Variants in DYRK1A observed in about 807,000 individuals in gnomAD.
DYRK1A encodes dual specificity tyrosine-phosphorylation-regulated kinase 1A.
DYRK1A carries 9 observed loss-of-function variants against 79.7 expected under a neutral mutation model. That is an observed-to-expected ratio of 0.11 (90% CI 0.07 to 0.20). DYRK1A has a LOEUF of 0.20. DYRK1A is among the 10% of genes least tolerant of loss of function. The pLI is 1.00. For missense variants in DYRK1A, 622 were observed against 956.0 expected (o/e 0.65, Z 4.61); for synonymous variants, 349 against 329.7 (o/e 1.06, Z -0.63).
intron 1 of DYRK1A, among the ~76,000 whole-genome samples, chr21:37,371,379 G>T (rs1316624485): frequency 6.6e-6 from 1 of 152,184 alleles, no homozygotes; most frequent in Non-Finnish European, 1.5e-5. Context: ...ATATTGCACT[G>T]CGTAAGCCAG....
In DYRK1A at chr21:37,517,896, T is replaced by TA. The variant is rs1330881234; in HGVS notation, c.*5366dup. Reference sequence around the variant, plus strand: ...GAAACGGCTAAGTTTTTTTTAATGTTACTTCTTTAATTTTAGAGACGGTGT... The same window carrying TA: ...GAAACGGCTAAGTTTTTTTTAATGTTAACTTCTTTAATTTTAGAGACGGTGT... On this transcript the variant is annotated 3_prime_UTR_variant, in exon 12 of 12. Coordinates refer to ENST00000647188, the MANE Select transcript of DYRK1A (RefSeq NM_001347721.2). 10 of 152,304 alleles carry TA rather than the reference T, an allele frequency of 6.6e-5. No individual in the cohort carries two copies. Among genetic ancestry groups the TA allele is most frequent in the Admixed American group, 3.9e-4 (6 of 15,294 alleles). 9.4% of individuals were successfully genotyped at this position (152,304 alleles called of 1,614,324 possible). A position where few individuals can be genotyped will look rare whatever the true frequency, so the allele number is the denominator to read the frequency against.
intron 1 of DYRK1A, among the ~76,000 whole-genome samples, chr21:37,376,352 T>G (rs1291834510): frequency 6.6e-6 from 1 of 152,096 alleles, no homozygotes; most frequent in African/African-American, 2.4e-5. Flanking sequence ...CTACTACAGA[T>G]ACAGAAATTA....
intron 1 of DYRK1A, among the ~76,000 whole-genome samples, chr21:37,395,862 T>G (rs896258473): frequency 6.6e-6 from 1 of 152,228 alleles, no homozygotes; most frequent in South Asian, 2.1e-4. Flanking sequence ...TAGGATAGAC[T>G]CTGTTCTGGG....
At chr21:37,415,040 AT>A in intron 1 of DYRK1A, among the ~76,000 whole-genome samples, 1 of 152,220 alleles carries the variant, frequency 6.6e-6, no homozygotes, top group Admixed American at 6.5e-5. Flanking sequence ...GTGTCAGTGC[AT>A]TATGTATTGT....
chr21:37,438,977 C>A (rs1408861128), intron 2 of DYRK1A, among the ~76,000 whole-genome samples: 1 of 152,224 alleles, frequency 6.6e-6, no homozygotes, highest in East Asian at 1.9e-4. Context: ...CCCTTTCTCT[C>A]ATTTTTCTAA....
chr21:37,479,849 G>C (rs575112077), intron 4 of DYRK1A, among the ~76,000 whole-genome samples: 1 of 151,594 alleles, frequency 6.6e-6, no homozygotes. Flanking sequence ...GGATGGTCTC[G>C]ATCTCCTGAC....
chr21:37,426,330 A>G (rs2050617474), intron 2 of DYRK1A, among the ~76,000 whole-genome samples: 2 of 152,216 alleles, frequency 1.3e-5, no homozygotes, highest in African/African-American at 2.4e-5. Context: ...CAAAATCCCC[A>G]CAGAGTTTTT....
At chr21:37,402,734 T>G (rs545713137) in intron 1 of DYRK1A, among the ~76,000 whole-genome samples, 21 of 152,156 alleles carry the variant, frequency 1.4e-4, no homozygotes, top group African/African-American at 4.8e-4. Context: ...TCTCTCTTCT[T>G]TAGACAATTT....
At chr21:37,376,674 A>T (rs1054368697) in intron 1 of DYRK1A, among the ~76,000 whole-genome samples, 8 of 152,092 alleles carry the variant, frequency 5.3e-5, no homozygotes, top group African/African-American at 1.9e-4. Context: ...CCTGCGCTTG[A>T]TTAACTACTG....
chr21:37,506,455 AGTTTTTTTCCTGTG>A, intron 11 of DYRK1A: 1 of 1,313,294 alleles, frequency 7.6e-7, no homozygotes, highest in Non-Finnish European at 1.0e-6. Context: ...TGTTTTGAAC[AGTTTTTTTCCTGTG>A]TTTATCTCAT....
At position 37,478,319 on chromosome 21, in the gene DYRK1A, T is replaced by C. The variant is rs1251516494; in HGVS notation, c.300+19T>C. 1.9e-6 allele frequency: 3 copies of C among 1,607,636 alleles called. No homozygotes were observed. Among genetic ancestry groups the C allele is most frequent in the Admixed American group, 1.7e-5 (1 of 59,222 alleles). On this transcript the variant is annotated intron_variant, in intron 4 of 11. Transcript: ENST00000647188. ...TAATGAGGTAAGACTTGATTTGTTA[T>C]AATAACATCTATCTTGCAGTATGTC... is the stretch of plus-strand genomic sequence containing the variant.
intron 1 of DYRK1A, among the ~76,000 whole-genome samples, chr21:37,412,682 A>G (rs2050266158): frequency 6.6e-6 from 1 of 152,228 alleles, no homozygotes; most frequent in South Asian, 2.1e-4. Flanking sequence ...GAAAATGGAT[A>G]GGATTTAGTA....
At chr21:37,392,422 C>T (rs1229450377) in intron 1 of DYRK1A, among the ~76,000 whole-genome samples, 2 of 152,166 alleles carry the variant, frequency 1.3e-5, no homozygotes, top group Non-Finnish European at 2.9e-5. Context: ...ATGTCTTGGT[C>T]TGTTTGTGCT....
At chr21:37,406,565 C>G (rs2050149269) in intron 1 of DYRK1A, among the ~76,000 whole-genome samples, 1 of 151,946 alleles carries the variant, frequency 6.6e-6, no homozygotes, top group African/African-American at 2.4e-5. Flanking sequence ...TGTGGTGGCA[C>G]ATGCCTATAA....
chr21:37,468,134 T>A (rs2052095420), intron 2 of DYRK1A, among the ~76,000 whole-genome samples: 1 of 151,886 alleles, frequency 6.6e-6, no homozygotes, highest in South Asian at 2.1e-4. Context: ...CTTTTAGAGG[T>A]AAGGTCTCTG....
intron 1 of DYRK1A, among the ~76,000 whole-genome samples, chr21:37,392,303 C>A (rs1299799418): frequency 1.3e-5 from 2 of 152,152 alleles, no homozygotes; most frequent in Non-Finnish European, 2.9e-5. Context: ...TAGAAGGAGG[C>A]AGGGGAGAAG....
At chr21:37,424,163 C>T (rs904022509) in intron 2 of DYRK1A, among the ~76,000 whole-genome samples, 2 of 152,148 alleles carry the variant, frequency 1.3e-5, no homozygotes, top group East Asian at 3.9e-4. Context: ...GAATTGTTGT[C>T]GTGGTCGTGT....
In DYRK1A at chr21:37,518,932, G is replaced by A. The variant is rs929270164; in HGVS notation, c.*6401G>A. The A allele has an allele frequency of 6.6e-5, 10 of 152,120 alleles. No homozygotes were observed. Among genetic ancestry groups the A allele is most frequent in the Admixed American group, 2.6e-4 (4 of 15,270 alleles). 9.4% of individuals were successfully genotyped at this position (152,120 alleles called of 1,614,324 possible). A position where few individuals can be genotyped will look rare whatever the true frequency, so the allele number is the denominator to read the frequency against. On this transcript the variant is annotated 3_prime_UTR_variant, in exon 12 of 12. Coordinates refer to ENST00000647188, the MANE Select transcript of DYRK1A (RefSeq NM_001347721.2). ...CCAGCCCCAAGAACATCTTGAAATG[G>A]AGTTTGATTACCAAAGTTTACATAG...
chr21:37,382,930 G>A (rs1270722747), intron 1 of DYRK1A, among the ~76,000 whole-genome samples: 1 of 152,204 alleles, frequency 6.6e-6, no homozygotes, highest in Non-Finnish European at 1.5e-5. Context: ...GATACCTTGT[G>A]TTATTGGTTC....
Sources: gnomAD v4.1 joint callset for allele counts (sites outside exome capture counted in the v4.1 genomes callset) on GRCh38, gnomAD v4.1.1 for gene constraint, MANE v1.5 for transcripts, NCBI Gene and HGNC (gene_info 2026-07-23, HGNC 2026-07-21) for gene names.